The following CFAP263 variants were observed in gnomAD, a reference collection of about 807,000 sequenced individuals.
CFAP263 encodes the protein cilia- and flagella-associated protein 263.
chr16:58,278,588 AC>A, the CFAP263 span: 1 of 1,614,222 alleles, frequency 6.2e-7, no homozygotes, highest in Admixed American at 1.7e-5. Flanking sequence ...TTAAATGCGG[AC>A]CTGGAGAAGA....
chr16:58,275,899 A>C, the CFAP263 span, among the ~76,000 whole-genome samples: 1 of 152,226 alleles, frequency 6.6e-6, no homozygotes, highest in African/African-American at 2.4e-5. Flanking sequence ...TACTGGGAAA[A>C]TTTTTAATAT....
the CFAP263 span, among the ~76,000 whole-genome samples, chr16:58,260,412 A>G: frequency 4.1e-4 from 62 of 152,304 alleles, no homozygotes; most frequent in African/African-American, 1.4e-3. Flanking sequence ...ATAAATTTGC[A>G]TTAAAACCAC....
At chr16:58,263,231 A>G in the CFAP263 span, among the ~76,000 whole-genome samples, 159 of 152,320 alleles carry the variant, frequency 1.0e-3, no homozygotes, top group Non-Finnish European at 1.9e-3. Context: ...GTGAGCTAAG[A>G]ATGATATTAC....
At chr16:58,280,146 G>A in the CFAP263 span, 4 of 1,429,280 alleles carry the variant, frequency 2.8e-6, no homozygotes, top group African/African-American at 4.3e-5. Context: ...ATCAAAAACA[G>A]ACATCAAAAC....
At chr16:58,278,573 A>C in the CFAP263 span, 1 of 1,614,222 alleles carries the variant, frequency 6.2e-7, no homozygotes. Context: ...GTCCGGGAGA[A>C]GATCTTAAAT....
At chr16:58,265,818 C>T in the CFAP263 span, among the ~76,000 whole-genome samples, 15 of 152,354 alleles carry the variant, frequency 9.8e-5, no homozygotes, top group Non-Finnish European at 2.1e-4. Flanking sequence ...TCACCAATTT[C>T]GCTCTCATCA....
chr16:58,280,165 G>T, the CFAP263 span: 2 of 1,513,986 alleles, frequency 1.3e-6, no homozygotes, highest in African/African-American at 2.8e-5. Context: ...ACAGCATGGT[G>T]AATGCCTGGC....
chr16:58,260,726 A>G, the CFAP263 span, among the ~76,000 whole-genome samples: 1 of 152,144 alleles, frequency 6.6e-6, no homozygotes, highest in Non-Finnish European at 1.5e-5. Flanking sequence ...CATGCTCATC[A>G]AAGGGGGCTA....
At chr16:58,262,353 A>G in the CFAP263 span, 133 of 1,581,148 alleles carry the variant, frequency 8.4e-5, no homozygotes, top group Middle Eastern at 1.7e-4. Flanking sequence ...CAACTGACGT[A>G]TCATCTTTTC....
the CFAP263 span, among the ~76,000 whole-genome samples, chr16:58,262,061 T>C: frequency 4.6e-5 from 7 of 152,166 alleles, no homozygotes; most frequent in Non-Finnish European, 7.3e-5. Context: ...CTGGCCTGGC[T>C]TAGGGACTTC....
At chr16:58,258,376 T>G in the CFAP263 span, 1 of 1,613,954 alleles carries the variant, frequency 6.2e-7, no homozygotes, top group Non-Finnish European at 8.5e-7. Context: ...AGGCGATCAT[T>G]GAGGAGGCTG....
the CFAP263 span, among the ~76,000 whole-genome samples, chr16:58,253,539 A>G: frequency 1.3e-5 from 2 of 152,184 alleles, no homozygotes; most frequent in East Asian, 3.9e-4. Flanking sequence ...AAGCAAACCC[A>G]TATGTACCCT....
At chr16:58,250,177 C>T in the CFAP263 span, 3 of 1,067,738 alleles carry the variant, frequency 2.8e-6, no homozygotes, top group Non-Finnish European at 2.7e-6. Flanking sequence ...TCCGGGCGGC[C>T]TCGGACTTGG....
chr16:58,253,060 C>A, the CFAP263 span, among the ~76,000 whole-genome samples: 5 of 152,186 alleles, frequency 3.3e-5, no homozygotes, highest in Non-Finnish European at 7.3e-5. Context: ...TGGATTGACT[C>A]TCCCAGCATA....
the CFAP263 span, chr16:58,281,865 C>G: frequency 2.0e-5 from 3 of 152,340 alleles, no homozygotes; most frequent in African/African-American, 7.2e-5. Flanking sequence ...CTCTCTTTCT[C>G]TCTTTCTTTC....
At chr16:58,252,777 A>T in the CFAP263 span, 1 of 1,613,244 alleles carries the variant, frequency 6.2e-7, no homozygotes, top group Admixed American at 1.7e-5. Context: ...GAGAAATATT[A>T]CGCTAAACTG....
chr16:58,276,385 C>T, the CFAP263 span, among the ~76,000 whole-genome samples: 40 of 152,246 alleles, frequency 2.6e-4, no homozygotes, highest in South Asian at 8.3e-3. Flanking sequence ...CACTGTTTAC[C>T]AAACATTAAC....
chr16:58,255,177 T>G, the CFAP263 span, among the ~76,000 whole-genome samples: 7 of 152,288 alleles, frequency 4.6e-5, no homozygotes, highest in East Asian at 1.4e-3. Context: ...CCGAAGGCCC[T>G]AGAGCCCCCA....
chr16:58,271,004 A>G, the CFAP263 span, among the ~76,000 whole-genome samples: 1 of 152,170 alleles, frequency 6.6e-6, no homozygotes, highest in African/African-American at 2.4e-5. Flanking sequence ...TTCCCCAAAT[A>G]CAATTATATA....
Sources: allele counts gnomAD v4.1 joint callset (sites outside exome capture counted in the v4.1 genomes callset), GRCh38; gene constraint gnomAD v4.1.1; transcripts MANE v1.5; gene names NCBI Gene and HGNC (gene_info 2026-07-23, HGNC 2026-07-21).